The following GRID2 variants were observed in gnomAD, a reference collection of about 807,000 sequenced individuals.
GRID2 encodes the protein glutamate receptor ionotropic, delta-2.
GRID2 carries 33 observed loss-of-function variants against 114.8 expected under a neutral mutation model. The ratio of observed to expected loss-of-function variants is 0.29; its 90% CI spans 0.22 to 0.38. The LOEUF is 0.38. Ranked by LOEUF, GRID2 falls within the 10% of genes least tolerant of loss-of-function variation. The pLI, the probability that GRID2 is intolerant of heterozygous loss-of-function variation, is 1.00. For missense variants in GRID2, 1,184 were observed against 1,257.7 expected (o/e 0.94, Z 0.89); for synonymous variants, 505 against 449.9 (o/e 1.12, Z -1.55).
At chr4:92,360,328 C>A (rs139411679) in intron 1 of GRID2, among the ~76,000 whole-genome samples, 1 of 152,052 alleles carries the variant, frequency 6.6e-6, no homozygotes, top group East Asian at 1.9e-4. Context: ...ACCCCCACCA[C>A]TCCTTGTCCT....
At chr4:93,585,436 T>G (rs1319144713) in intron 13 of GRID2, among the ~76,000 whole-genome samples, 5 of 152,086 alleles carry the variant, frequency 3.3e-5, no homozygotes, top group African/African-American at 1.2e-4. Flanking sequence ...CTGGTCTTTT[T>G]CAATTAGGGC....
intron 2 of GRID2, among the ~76,000 whole-genome samples, chr4:92,721,427 CT>C (rs1735804724): frequency 6.6e-6 from 1 of 151,572 alleles, no homozygotes; most frequent in Non-Finnish European, 1.5e-5. Flanking sequence ...AATTTATTCT[CT>C]AAATTTGTTG....
At chr4:92,695,441 A>G (rs1320779549) in intron 2 of GRID2, among the ~76,000 whole-genome samples, 2 of 152,176 alleles carry the variant, frequency 1.3e-5, no homozygotes, top group African/African-American at 2.4e-5. Flanking sequence ...ATTCCTTACC[A>G]GAATGAAAAT....
chr4:93,061,212 T>TTTTA (rs1235232553), intron 2 of GRID2, among the ~76,000 whole-genome samples: 1 of 149,964 alleles, frequency 6.7e-6, no homozygotes. Flanking sequence ...TTTTTTTTTT[T>TTTTA]AATGCCTAAC....
intron 2 of GRID2, among the ~76,000 whole-genome samples, chr4:92,656,371 T>C (rs1732236048): frequency 6.6e-6 from 1 of 151,680 alleles, no homozygotes; most frequent in Non-Finnish European, 1.5e-5. Context: ...GTTCTCCATA[T>C]ACTTTTTGCA....
At chr4:93,714,102 C>G (rs944464468) in intron 14 of GRID2, among the ~76,000 whole-genome samples, 1 of 152,018 alleles carries the variant, frequency 6.6e-6, no homozygotes, top group Admixed American at 6.6e-5. Flanking sequence ...TCCCCCACCC[C>G]CAACAGGCCC....
At chr4:92,686,594 A>G (rs575449761) in intron 2 of GRID2, among the ~76,000 whole-genome samples, 93 of 152,210 alleles carry the variant, frequency 6.1e-4, no homozygotes, top group Non-Finnish European at 1.2e-3. Flanking sequence ...TCAGAGCTGT[A>G]AAAACAACTG....
chr4:92,559,731 C>T (rs537112328), intron 1 of GRID2, among the ~76,000 whole-genome samples: 1 of 152,270 alleles, frequency 6.6e-6, no homozygotes, highest in African/African-American at 2.4e-5. Context: ...CATGGATCAA[C>T]TCCCCTTTTC....
chr4:92,866,841 G>A (rs546010384), intron 2 of GRID2, among the ~76,000 whole-genome samples: 3 of 152,100 alleles, frequency 2.0e-5, no homozygotes, highest in South Asian at 2.1e-4. Context: ...GTGAGCCACC[G>A]CTCCCGGCCG....
At chr4:93,233,264 C>T (rs1412631848) in intron 7 of GRID2, among the ~76,000 whole-genome samples, 7 of 151,384 alleles carry the variant, frequency 4.6e-5, no homozygotes, top group Non-Finnish European at 1.0e-4. Context: ...GTTTGATAAA[C>T]GATGTTGAAA....
intron 2 of GRID2, among the ~76,000 whole-genome samples, chr4:92,843,197 G>A (rs1481729967): frequency 6.6e-6 from 1 of 151,940 alleles, no homozygotes; most frequent in African/African-American, 2.4e-5. Flanking sequence ...AGCTGTGATT[G>A]CACCACTGCA....
At chr4:93,209,566 A>G (rs917876572) in intron 5 of GRID2, among the ~76,000 whole-genome samples, 5 of 152,058 alleles carry the variant, frequency 3.3e-5, no homozygotes, top group African/African-American at 1.2e-4. Flanking sequence ...ATAGGCATGC[A>G]TGTGTCTTTA....
At chr4:92,917,888 A>G (rs192831152) in intron 2 of GRID2, among the ~76,000 whole-genome samples, 19 of 152,308 alleles carry the variant, frequency 1.2e-4, no homozygotes, top group Admixed American at 1.2e-3. Context: ...TTCTGTGAAG[A>G]AAGTCATTGG....
intron 1 of GRID2, among the ~76,000 whole-genome samples, chr4:92,309,587 T>C (rs1725593555): frequency 6.6e-6 from 1 of 151,888 alleles, no homozygotes; most frequent in South Asian, 2.1e-4. Context: ...AAAATGTCAT[T>C]TTAATGAGGT....
intron 14 of GRID2, among the ~76,000 whole-genome samples, chr4:93,764,585 C>G (rs1578763731): frequency 1.3e-5 from 2 of 152,130 alleles, no homozygotes; most frequent in East Asian, 3.8e-4. Context: ...TTAATTCACA[C>G]CACAATGACC....
At chr4:93,405,135 G>A (rs185719045) in intron 9 of GRID2, among the ~76,000 whole-genome samples, 1 of 152,168 alleles carries the variant, frequency 6.6e-6, no homozygotes, top group Admixed American at 6.5e-5. Flanking sequence ...AGTAGACATA[G>A]CTCTGTGTTG....
At chr4:93,740,298 G>C (rs534023061) in intron 14 of GRID2, among the ~76,000 whole-genome samples, 2 of 152,102 alleles carry the variant, frequency 1.3e-5, no homozygotes, top group Admixed American at 6.5e-5. Context: ...AAATTGCCTA[G>C]TGATGCATTT....
At chr4:92,682,682 GCACACACA>G (rs57217377) in intron 2 of GRID2, among the ~76,000 whole-genome samples, 81 of 142,810 alleles carry the variant, frequency 5.7e-4, no homozygotes, top group African/African-American at 1.7e-3. Context: ...AAATCGCAGG[GCACACACA>G]CACACACACA....
At chr4:93,053,232 A>G (rs1046975854) in intron 2 of GRID2, among the ~76,000 whole-genome samples, 1 of 151,900 alleles carries the variant, frequency 6.6e-6, no homozygotes, top group African/African-American at 2.4e-5. Context: ...ACCTTCCCAG[A>G]TATGTTATGT....
Sources: gnomAD v4.1 joint callset for allele counts (sites outside exome capture counted in the v4.1 genomes callset) on GRCh38, gnomAD v4.1.1 for gene constraint, MANE v1.5 for transcripts, NCBI Gene and HGNC (gene_info 2026-07-23, HGNC 2026-07-21) for gene names.